LARP1: variants seen among roughly 807,000 people sequenced by gnomAD.
LARP1 encodes La ribonucleoprotein 1, translational regulator.
In LARP1, 36 loss-of-function variants were observed where a neutral mutation model predicts 122.7. The ratio of observed to expected loss-of-function variants is 0.29; its 90% CI spans 0.22 to 0.39. The LOEUF (loss-of-function observed/expected upper bound fraction) is 0.39. Among genes scored for constraint, LARP1 ranks in the 10% least tolerant of loss-of-function variants. The probability of loss-of-function intolerance (pLI) is 1.00; values close to 1 mark genes in which losing one functional copy is unlikely to be tolerated. For missense variants in LARP1, 1,040 were observed against 1,403.6 expected, an observed-to-expected ratio of 0.74 and a Z score of 4.14; for synonymous variants, 539 against 528.7, an observed-to-expected ratio of 1.02 and a Z score of -0.27.
At chr5:154,723,399 G>A (rs1264440222) in intron 1 of LARP1, among the ~76,000 whole-genome samples, 1 of 152,178 alleles carries the variant, frequency 6.6e-6, no homozygotes, top group Non-Finnish European at 1.5e-5. Flanking sequence ...GCCTCAAACA[G>A]CTTCCACATA....
intron 18 of LARP1, among the ~76,000 whole-genome samples, chr5:154,812,526 T>C (rs1231787774): frequency 2.5e-3 from 102 of 40,122 alleles, no homozygotes; most frequent in African/African-American, 3.1e-3. Flanking sequence ...CCACCCCCCC[T>C]TTTTTTTTTT....
At chr5:154,694,144 T>C (rs149547608) in intron 1 of LARP1, among the ~76,000 whole-genome samples, 245 of 152,014 alleles carry the variant, frequency 1.6e-3, no homozygotes, top group African/African-American at 5.6e-3. Context: ...GGGGAGGAGG[T>C]TCTAGATTTA....
chr5:154,783,266 G>A (rs910248855), intron 1 of LARP1, among the ~76,000 whole-genome samples: 1 of 152,214 alleles, frequency 6.6e-6, no homozygotes, highest in African/African-American at 2.4e-5. Flanking sequence ...TGGAAGGAAT[G>A]TCTCTTTCTT....
At chr5:154,685,671 T>C (rs1406061278) in intron 1 of LARP1, 1 of 371,882 alleles carries the variant, frequency 2.7e-6, no homozygotes, top group Non-Finnish European at 5.2e-6. Flanking sequence ...ACGATGCCTT[T>C]GTGCAGATTA....
At chr5:154,729,639 A>G in intron 1 of LARP1, 1 of 410,888 alleles carries the variant, frequency 2.4e-6, no homozygotes, top group Non-Finnish European at 4.7e-6. Flanking sequence ...CTTTGTGAGA[A>G]CCAATGAATA....
At chr5:154,691,677 G>A (rs1485724540) in intron 1 of LARP1, among the ~76,000 whole-genome samples, 1 of 152,184 alleles carries the variant, frequency 6.6e-6, no homozygotes, top group Non-Finnish European at 1.5e-5. Context: ...CTGTTCCCTG[G>A]GGCAGCTCAC....
chr5:154,791,803 G>A, intron 3 of LARP1: 1 of 319,644 alleles, frequency 3.1e-6, no homozygotes, highest in South Asian at 2.6e-5. Context: ...TTCTGCATTC[G>A]GTTTTTTAAA....
intron 1 of LARP1, among the ~76,000 whole-genome samples, chr5:154,707,428 GTC>G (rs1370343990): frequency 6.6e-6 from 1 of 152,170 alleles, no homozygotes; most frequent in African/African-American, 2.4e-5. Context: ...CTAGAAAATA[GTC>G]TAAGTACATA....
In LARP1 at chr5:154,757,122, G is replaced by A. The variant is rs900684758; in HGVS notation, c.436+929G>A. 11 of 150,598 alleles carry A rather than the reference G, an allele frequency of 7.3e-5. No individual in the cohort carries two copies. In the East Asian group the frequency reaches 2.2e-3, roughly 30 times the overall value. 9.3% of individuals were successfully genotyped at this position (150,598 alleles called of 1,614,324 possible). ...CGCGGCCCGAGTGTGCGTGTGCGCGGCGCGGGTGTGTGCGCGTCCCCCCTT... is the reference window on the plus strand; with the variant it reads ...CGCGGCCCGAGTGTGCGTGTGCGCGACGCGGGTGTGTGCGCGTCCCCCCTT... On this transcript the variant is annotated intron_variant, in intron 1 of 18. Coordinates refer to ENST00000518297, the MANE Select transcript of LARP1 (RefSeq NM_033551.3).
intron 1 of LARP1, among the ~76,000 whole-genome samples, chr5:154,707,216 T>G (rs1474405215): frequency 6.6e-6 from 1 of 152,146 alleles, no homozygotes; most frequent in Non-Finnish European, 1.5e-5. Context: ...GAGAATAGCC[T>G]TGGCAATACA....
At chr5:154,727,424 A>G (rs1210253886) in intron 1 of LARP1, among the ~76,000 whole-genome samples, 1 of 152,216 alleles carries the variant, frequency 6.6e-6, no homozygotes, top group Non-Finnish European at 1.5e-5. Context: ...TTAAAGTCAT[A>G]AATGAAAATA....
At chr5:154,766,418 G>A (rs1224298797) in intron 1 of LARP1, among the ~76,000 whole-genome samples, 1 of 152,208 alleles carries the variant, frequency 6.6e-6, no homozygotes, top group Non-Finnish European at 1.5e-5. Flanking sequence ...CCTGAAATGT[G>A]GATCTTGGGC....
chr5:154,765,682 C>T (rs751501243), intron 1 of LARP1, among the ~76,000 whole-genome samples: 4 of 152,196 alleles, frequency 2.6e-5, no homozygotes, highest in Non-Finnish European at 5.9e-5. Flanking sequence ...GCATGAGCCA[C>T]GGCACCTGGC....
chr5:154,741,189 T>G (rs1339022604), intron 1 of LARP1, among the ~76,000 whole-genome samples: 2 of 152,190 alleles, frequency 1.3e-5, no homozygotes, highest in Non-Finnish European at 2.9e-5. Context: ...ACTCCTGGGC[T>G]TGAGGCCCAG....
At chr5:154,769,347 C>T (rs1755214690) in intron 1 of LARP1, among the ~76,000 whole-genome samples, 1 of 152,148 alleles carries the variant, frequency 6.6e-6, no homozygotes, top group African/African-American at 2.4e-5. Context: ...GGCTTCCTTC[C>T]AACATGAGGT....
chr5:154,723,732 A>G (rs574330136), intron 1 of LARP1, among the ~76,000 whole-genome samples: 1 of 152,354 alleles, frequency 6.6e-6, no homozygotes, highest in Admixed American at 6.5e-5. Context: ...AGACTTAGCC[A>G]AGAGCCCACA....
At chr5:154,706,780 C>T (rs1754972591) in intron 1 of LARP1, among the ~76,000 whole-genome samples, 1 of 150,846 alleles carries the variant, frequency 6.6e-6, no homozygotes, top group Non-Finnish European at 1.5e-5. Context: ...CAGAAGTAGC[C>T]AATAAAGTAG....
Position 154,802,049 on chromosome 5 carries a change from C to T in LARP1, c.1759C>T (p.Gln587Ter). ...ATTTTCCCACCTGACCTCTCTGCCTCAGCAGCTGCCTTCCCAGCAGCTGAT... is the reference window on the plus strand; with the variant it reads ...ATTTTCCCACCTGACCTCTCTGCCTTAGCAGCTGCCTTCCCAGCAGCTGAT... The part of the protein sequence containing the change: ...SRFSHLTSLP[Q>*]QLPSQQLMSK... Residue 587 changes from glutamine (Q) to a stop codon, truncating the protein, a stop_gained, in exon 11 of 19, where the codon CAG becomes TAG. Transcript: ENST00000518297. LOFTEE classifies it high-confidence loss of function. This position sits in a 1 kb window ranked among gnomAD's most constrained non-coding sequence, Gnocchi z 5.1. 1 of 1,613,992 alleles carries T rather than the reference C, an allele frequency of 6.2e-7. No individual in the cohort carries two copies. Among genetic ancestry groups the T allele is most frequent in the Non-Finnish European group, 8.5e-7 (1 of 1,179,964 alleles).
upstream of LARP1, among the ~76,000 whole-genome samples, chr5:154,712,642 C>T (rs3867429): frequency 0.37 from 55,929 of 152,028 alleles, 11,751 homozygotes; most frequent in Non-Finnish European, 0.49. Context: ...AGCCCAGGAC[C>T]AGGGCTGTGG....
Sources: gnomAD v4.1 joint callset for allele counts (sites outside exome capture counted in the v4.1 genomes callset) on GRCh38, gnomAD v4.1.1 for gene constraint, Gnocchi (gnomAD v3.1) non-coding constraint, MANE v1.5 for transcripts, NCBI Gene and HGNC (gene_info 2026-07-23, HGNC 2026-07-21) for gene names.